The following CCDC120 variants were observed in gnomAD, a reference collection of about 807,000 sequenced individuals.
The protein encoded by CCDC120 is coiled-coil domain containing 120, also known as coiled-coil domain-containing protein 120.
A neutral mutation model predicts 37.6 loss-of-function variants in CCDC120; 16 were observed. The observed-to-expected ratio is 0.43, with a 90% CI of 0.29 to 0.65. The LOEUF (loss-of-function observed/expected upper bound fraction) is 0.65, where lower values mean the gene tolerates loss of function less well. Ranked by LOEUF, CCDC120 falls within the 30% of genes least tolerant of loss-of-function variation. The pLI is 0.18. For missense variants in CCDC120, 650 were observed against 657.4 expected (o/e 0.99, Z 0.12); for synonymous variants, 309 against 275.4 (o/e 1.12, Z -1.21).
intron 3 of CCDC120, 32 bp from the exon 4 acceptor site, chrX:49,062,436 G>C: frequency 8.3e-7 from 1 of 1,211,907 alleles, no homozygotes; most frequent in Non-Finnish European, 1.1e-6. Flanking sequence ...TGCCCTGGCT[G>C]TCCCACTGAT....
intron 8 of CCDC120, 37 bp from the exon 9 acceptor site, chrX:49,065,710 T>G (rs1557080994): frequency 1.7e-6 from 2 of 1,180,220 alleles, no homozygotes; most frequent in South Asian, 3.7e-5. Flanking sequence ...TGCTGGTGGG[T>G]ACAGTCTCTA....
chrX:49,065,108 C>G lies in CCDC120; in HGVS notation c.787+10C>G. The G allele has an allele frequency of 3.3e-6, 4 of 1,209,206 alleles. No homozygotes were observed. Among genetic ancestry groups the G allele is most frequent in the Non-Finnish European group, 4.5e-6 (4 of 893,161 alleles). On this transcript the variant is annotated intron_variant, in intron 7 of 10. Coordinates refer to ENST00000603986, the MANE Select transcript of CCDC120 (RefSeq NM_001163321.4). ...GCCAGCCATGACAACGGTGAGGACT[C>G]CTATCCCCCAAACCTGCCCCCGACT... is the stretch of plus-strand genomic sequence containing the variant.
intron 10 of CCDC120, 29 bp from the exon 11 acceptor site, chrX:49,068,515 C>G: frequency 9.2e-7 from 1 of 1,082,195 alleles, no homozygotes; most frequent in Non-Finnish European, 1.2e-6. Context: ...CCCGCCCTGT[C>G]CTCCGGATTC....
Position 49,068,087 on chromosome X carries a change from G to C in CCDC120, c.1973G>C (p.Gly658Ala), listed in dbSNP as rs1557082170. 3 of 1,165,749 alleles carry C rather than the reference G, an allele frequency of 2.6e-6. No homozygotes were observed. The highest frequency in any genetic ancestry group is 2.3e-6 in the Non-Finnish European group (2 of 872,319). The part of the protein sequence containing the change: ...SRSFTAPPVS[G>A]RYYADFLYPP... ...AGTTTCACGGCGCCCCCTGTCTCTG[G>C]CAGGTATGGGGGGTGCTTTTACTGA... is the stretch of plus-strand genomic sequence containing the variant. The change falls in exon 10 of 11, where the codon GGC becomes GCC. Residue 658 changes from glycine (G) to alanine (A), a missense_variant. Transcript: ENST00000603986.
At chrX:49,056,280 C>T (rs1481062285), upstream of CCDC120, among the ~76,000 whole-genome samples, 6 of 110,258 alleles carry the variant, frequency 5.4e-5, no homozygotes, top group African/African-American at 1.6e-4. Flanking sequence ...GGGAGGGTAC[C>T]GTGTCTAGAT....
Position 49,061,998 on chromosome X carries a change from C to T in CCDC120, c.-44C>T, listed in dbSNP as rs1057355441. 23 of 1,152,715 alleles carry T rather than the reference C, an allele frequency of 2.0e-5. No individual in the cohort carries two copies. The East Asian group carries it at 7.5e-4, about 38-fold the overall frequency. 95.0% of individuals were successfully genotyped at this position (1,152,715 alleles called of 1,213,427 possible). A position where few individuals can be genotyped will look rare whatever the true frequency, so the allele number is the denominator to read the frequency against. ...TGTGACCCATGGGCCTCTGAGGAGG[C>T]GTTGTAAGTCCGCCCAGCTCCCCAC... is the stretch of plus-strand genomic sequence containing the variant. On this transcript the variant is annotated 5_prime_UTR_variant, in exon 2 of 11. Coordinates refer to ENST00000603986, the MANE Select transcript of CCDC120 (RefSeq NM_001163321.4).
upstream of CCDC120, among the ~76,000 whole-genome samples, chrX:49,058,802 C>T (rs1426464449): frequency 8.9e-6 from 1 of 112,912 alleles, no homozygotes; most frequent in South Asian, 3.6e-4. Flanking sequence ...AGATTACAGG[C>T]ACCAGCTACC....
chrX:49,068,168 G>A lies in CCDC120; in HGVS notation c.1976+78G>A, dbSNP rs782568203. 5.3e-6 allele frequency: 6 copies of A among 1,123,569 alleles called. No individual in the cohort carries two copies. In the African/African-American group the frequency reaches 1.1e-4, roughly 21 times the overall value. 92.6% of individuals were successfully genotyped at this position (1,123,569 alleles called of 1,213,427 possible). ...AGATATCCAGGCCAGGGAGTGGCTA[G>A]TCATGATAGCTAATGAATTGGACCA... On this transcript the variant is annotated intron_variant, in intron 10 of 10. Coordinates refer to ENST00000603986, the MANE Select transcript of CCDC120 (RefSeq NM_001163321.4).
chrX:49,064,892 T>G, intron 6 of CCDC120, 144 bp from the exon 7 acceptor site: 1 of 714,210 alleles, frequency 1.4e-6, no homozygotes, highest in Non-Finnish European at 2.1e-6. Flanking sequence ...TGGGCTCTGG[T>G]AAAAGCAGAT....
chrX:49,065,500 C>T lies in CCDC120; in HGVS notation c.834C>T (p.Pro278=). ...CFSLAERPSP[P]KAWDQLRAVS... ...CTCTGGCCGAGCGCCCCTCACCACC[C>T]AAGGCTTGGGACCAGCTGCGGGCAG... The change falls in exon 8 of 11, where the codon CCC becomes CCT. Residue 278 remains proline (P), a synonymous_variant. Coordinates refer to ENST00000603986, the MANE Select transcript of CCDC120 (RefSeq NM_001163321.4). 1 of 1,208,668 alleles carries T rather than the reference C, an allele frequency of 8.3e-7. No individual in the cohort carries two copies. Among genetic ancestry groups the T allele is most frequent in the South Asian group, 1.8e-5 (1 of 56,275 alleles).
intron 5 of CCDC120, 35 bp from the exon 6 acceptor site, chrX:49,064,335 C>A: frequency 1.8e-6 from 2 of 1,137,696 alleles, no homozygotes; most frequent in Non-Finnish European, 2.3e-6. Context: ...GGTCCCTGTT[C>A]CTGGCCATTT....
At chrX:49,063,160 C>G (rs1333696301) in intron 4 of CCDC120, among the ~76,000 whole-genome samples, 1 of 104,258 alleles carries the variant, frequency 9.6e-6, no homozygotes, top group Non-Finnish European at 2.0e-5. Flanking sequence ...CGCCACTGCA[C>G]TCCAGCCTGG....
At position 49,064,258 on chromosome X, in the gene CCDC120, C is replaced by CG. The variant is rs1408878381; in HGVS notation, c.430-108dup. 9.0e-6 allele frequency: 8 copies of CG among 890,381 alleles called. No individual in the cohort carries two copies. In the African/African-American group the frequency reaches 1.6e-4, roughly 18 times the overall value. The allele number at this position is 890,381 out of a possible 1,213,427, so 73.4% of individuals were successfully genotyped here. A position where few individuals can be genotyped will look rare whatever the true frequency, so the allele number is the denominator to read the frequency against. Reference sequence around the variant, plus strand: ...GAGAGGCCCTGACACGCCCCCTCCCCGGGGTGAATAGGTCTGAATAGGCTG... The same window carrying CG: ...GAGAGGCCCTGACACGCCCCCTCCCCGGGGGTGAATAGGTCTGAATAGGCTG... On this transcript the variant is annotated intron_variant, in intron 5 of 10. Transcript: ENST00000603986.
At chrX:49,063,021 C>T (rs1049633474) in intron 4 of CCDC120, among the ~76,000 whole-genome samples, 3 of 111,368 alleles carry the variant, frequency 2.7e-5, no homozygotes, top group Admixed American at 1.9e-4. Flanking sequence ...GGTGTAACCC[C>T]GTCTCTACTA....
rs200321188 is a variant in CCDC120 at position 49,065,505 on chromosome X, C to T, written c.839C>T (p.Ala280Val). ...GCCGAGCGCCCCTCACCACCCAAGG[C>T]TTGGGACCAGCTGCGGGCAGTATCT... is the stretch of plus-strand genomic sequence containing the variant. ...SLAERPSPPKAWDQLRAVSGG... is the reference protein window; with the variant it reads ...SLAERPSPPKVWDQLRAVSGG... Residue 280 changes from alanine (A) to valine (V), a missense_variant, in exon 8 of 11, where the codon GCT becomes GTT. Transcript: ENST00000603986. 9.9e-6 allele frequency: 12 copies of T among 1,208,435 alleles called. No individual in the cohort carries two copies. The highest frequency in any genetic ancestry group is 1.3e-5 in the Non-Finnish European group (12 of 894,365).
rs369874569 is a variant in CCDC120, at chrX:49,065,713, A to G, written c.963-34A>G. Reference sequence around the variant, plus strand: ...TGGCAGAGGGTCTGCTGGTGGGTACAGTCTCTAACCTAGGCCTGCCTGTCT... The same window carrying G: ...TGGCAGAGGGTCTGCTGGTGGGTACGGTCTCTAACCTAGGCCTGCCTGTCT... On this transcript the variant is annotated intron_variant, in intron 8 of 10. Coordinates refer to ENST00000603986, the MANE Select transcript of CCDC120 (RefSeq NM_001163321.4). The G allele has an allele frequency of 9.3e-6, 11 of 1,179,463 alleles. No individual in the cohort carries two copies. The African/African-American group carries it at 1.9e-4, about 21-fold the overall frequency.
At position 49,062,516 on chromosome X, in the gene CCDC120, G is replaced by C. The variant is rs369880011; in HGVS notation, c.203G>C (p.Arg68Pro). Residue 68 changes from arginine to proline, a missense_variant, in exon 4 of 11, where the codon CGG becomes CCG. Coordinates refer to ENST00000603986, the MANE Select transcript of CCDC120 (RefSeq NM_001163321.4). ...AAPQVKSERL[R>P]GLLDRQRTLQ... ...CCCCAGGTGAAGTCAGAGCGTCTGC[G>C]GGGGCTGCTTGACCGGCAGCGGACC... The C allele has an allele frequency of 8.3e-7, 1 of 1,210,378 alleles. No homozygotes were observed. The highest frequency in any genetic ancestry group is 2.2e-5 in the Admixed American group (1 of 45,831).
chrX:49,054,300 C>T (rs2064817909), upstream of CCDC120, among the ~76,000 whole-genome samples: 1 of 111,381 alleles, frequency 9.0e-6, no homozygotes, highest in Non-Finnish European at 1.9e-5. Flanking sequence ...TCCCTAAACT[C>T]TTATCCAGTC....
In CCDC120 at chrX:49,068,882, G is replaced by A. The variant is rs2064990587; in HGVS notation, c.*224G>A. 3.5e-6 allele frequency: 1 copy of A among 286,586 alleles called. No homozygotes were observed. Among genetic ancestry groups the A allele is most frequent in the Non-Finnish European group, 6.1e-6 (1 of 164,937 alleles). 23.6% of individuals were successfully genotyped at this position (286,586 alleles called of 1,213,427 possible). A position where few individuals can be genotyped will look rare whatever the true frequency, so the allele number is the denominator to read the frequency against. ...CTGGGGGCCCTCAGCTAGCTTAAAA[G>A]AGGGGGGATGATGTCATGGGGACCC... On this transcript the variant is annotated 3_prime_UTR_variant, in exon 11 of 11. Transcript: ENST00000603986.
Sources: allele counts gnomAD v4.1 joint callset (sites outside exome capture counted in the v4.1 genomes callset), GRCh38; gene constraint gnomAD v4.1.1; transcripts MANE v1.5; gene names NCBI Gene and HGNC (gene_info 2026-07-23, HGNC 2026-07-21).